Variants in LRRC37A2 observed in about 807,000 individuals in gnomAD.
LRRC37A2 encodes the protein leucine rich repeat containing 37 member A2.
A neutral mutation model predicts 68.8 loss-of-function variants in LRRC37A2; 9 were observed. The observed-to-expected ratio is 0.13, with a 90% CI of 0.08 to 0.23. The LOEUF (loss-of-function observed/expected upper bound fraction) is 0.23, where lower values mean the gene tolerates loss of function less well. Ranked by LOEUF, LRRC37A2 falls within the 10% of genes least tolerant of loss-of-function variation. The probability of loss-of-function intolerance (pLI) is 1.00; values close to 1 mark genes in which losing one functional copy is unlikely to be tolerated. For missense variants in LRRC37A2, 168 were observed against 950.4 expected (o/e 0.18, Z 10.82); for synonymous variants, 63 against 367.6 (o/e 0.17, Z 9.48).
chr17:46,814,765 C>T, the LRRC37A2 span, among the ~76,000 whole-genome samples: 8 of 152,220 alleles, frequency 5.3e-5, no homozygotes, highest in African/African-American at 9.6e-5. Flanking sequence ...CTGACCCCCA[C>T]GGGGTTTGAC....
chr17:46,876,978 T>G, the LRRC37A2 span: 1 of 1,287,572 alleles, frequency 7.8e-7, no homozygotes, highest in Non-Finnish European at 9.8e-7. Context: ...GAGGGCAGAG[T>G]GAGAAAGACA....
the LRRC37A2 span, chr17:46,935,345 A>G: frequency 6.8e-7 from 1 of 1,470,494 alleles, no homozygotes. Context: ...TGAGCCTGAA[A>G]GTACCCAGTT....
At chr17:46,722,241 C>T in the LRRC37A2 span, 1 of 1,218,762 alleles carries the variant, frequency 8.2e-7, no homozygotes, top group Non-Finnish European at 1.2e-6. Flanking sequence ...GTCAAAATCC[C>T]TACATTCTTA....
At chr17:46,757,661 T>TAATATACAACC in the LRRC37A2 span, among the ~76,000 whole-genome samples, 131 of 151,962 alleles carry the variant, frequency 8.6e-4, no homozygotes, top group Non-Finnish European at 1.7e-3. Context: ...CAGAAAAAGT[T>TAATATACAACC]AATATACAAC....
the LRRC37A2 span, among the ~76,000 whole-genome samples, chr17:46,666,035 C>T: frequency 2.7e-5 from 4 of 147,112 alleles, no homozygotes; most frequent in East Asian, 5.8e-4. Flanking sequence ...AGGTGAATGC[C>T]GGCAGAGCAG....
At chr17:46,936,536 G>C in the LRRC37A2 span, 1 of 985,562 alleles carries the variant, frequency 1.0e-6, no homozygotes, top group Non-Finnish European at 1.2e-6. Flanking sequence ...CCCTGCCTCC[G>C]TCGGGATTTT....
the LRRC37A2 span, among the ~76,000 whole-genome samples, chr17:46,841,863 C>G: frequency 6.6e-6 from 1 of 152,244 alleles, no homozygotes; most frequent in African/African-American, 2.4e-5. Context: ...GTAGGCCGAC[C>G]CCGCAGGGCC....
chr17:46,889,534 G>A, the LRRC37A2 span, among the ~76,000 whole-genome samples: 3 of 152,174 alleles, frequency 2.0e-5, no homozygotes, highest in Non-Finnish European at 4.4e-5. Context: ...TTGGCTAAAT[G>A]GACCTCTGAG....
chr17:46,937,991 G>C, the LRRC37A2 span: 1 of 158,610 alleles, frequency 6.3e-6, no homozygotes, highest in East Asian at 1.8e-4. Flanking sequence ...CCTTAGCCTC[G>C]CAAGTAGCTA....
the LRRC37A2 span, among the ~76,000 whole-genome samples, chr17:46,820,814 C>T: frequency 1.3e-5 from 2 of 152,142 alleles, no homozygotes. Context: ...GGAGTCCTGC[C>T]CAAGGGCTCG....
At chr17:46,856,212 T>C in the LRRC37A2 span, among the ~76,000 whole-genome samples, 1 of 152,182 alleles carries the variant, frequency 6.6e-6, no homozygotes, top group Admixed American at 6.5e-5. Context: ...TTTAGACAAA[T>C]GTCTTAACCT....
chr17:47,027,935 G>T, the LRRC37A2 span, among the ~76,000 whole-genome samples: 1 of 152,188 alleles, frequency 6.6e-6, no homozygotes, highest in Admixed American at 6.5e-5. Flanking sequence ...GCAAAGGCCA[G>T]AGATGCTGCT....
the LRRC37A2 span, among the ~76,000 whole-genome samples, chr17:46,870,845 A>C: frequency 6.6e-6 from 1 of 150,628 alleles, no homozygotes; most frequent in East Asian, 2.0e-4. Flanking sequence ...CATGAGCAAC[A>C]GTGGCAAGTG....
chr17:46,829,649 G>C, the LRRC37A2 span, among the ~76,000 whole-genome samples: 1 of 152,244 alleles, frequency 6.6e-6, no homozygotes, highest in Admixed American at 6.5e-5. Flanking sequence ...GTCTCTGCTG[G>C]GAGGGGCTGG....
chr17:47,018,818 C>A, the LRRC37A2 span: 1 of 1,521,026 alleles, frequency 6.6e-7, no homozygotes, highest in East Asian at 2.3e-5. Context: ...TGACTCAAGC[C>A]GCAGTTCAAC....
chr17:46,872,644 C>T, the LRRC37A2 span: 527 of 1,613,628 alleles, frequency 3.3e-4, no homozygotes, highest in Non-Finnish European at 4.1e-4. Context: ...GCAGCTCTGC[C>T]GGAGGGAGCC....
chr17:46,635,871 C>T, the LRRC37A2 span, among the ~76,000 whole-genome samples: 5 of 119,832 alleles, frequency 4.2e-5, no homozygotes, highest in African/African-American at 1.3e-4. Flanking sequence ...TCTTACTAGG[C>T]GTAATCAAGT....
chr17:46,418,199 GTGTGTGTGTGTGTGTT>G, the LRRC37A2 span, among the ~76,000 whole-genome samples: 2 of 47,880 alleles, frequency 4.2e-5, no homozygotes, highest in African/African-American at 7.6e-5. Flanking sequence ...TAAATTGTGT[GTGTGTGTGTGTGTGTT>G]TGTGTGTGTG....
chr17:46,858,933 CTGGGATTAT>C, the LRRC37A2 span, among the ~76,000 whole-genome samples: 11 of 151,210 alleles, frequency 7.3e-5, no homozygotes, highest in South Asian at 2.3e-3. Context: ...TCTCAAACTG[CTGGGATTAT>C]TGGCATGAGC....
Sources: allele counts gnomAD v4.1 joint callset (sites outside exome capture counted in the v4.1 genomes callset), GRCh38; gene constraint gnomAD v4.1.1; transcripts MANE v1.5; gene names NCBI Gene and HGNC (gene_info 2026-07-23, HGNC 2026-07-21).